The following ZNF277 variants were observed in gnomAD, a reference collection of about 807,000 sequenced individuals.
ZNF277 encodes nuclear receptor-interacting factor 4.
A neutral mutation model predicts 60.7 loss-of-function variants in ZNF277; 55 were observed. The ratio of observed to expected loss-of-function variants is 0.91; its 90% confidence interval spans 0.73 to 1.13. The LOEUF (loss-of-function observed/expected upper bound fraction) is 1.13. Ranked by LOEUF, ZNF277 falls within the 50% of genes most tolerant of loss-of-function variation. The pLI, the probability that ZNF277 is intolerant of heterozygous loss-of-function variation, is 0.00. For missense variants in ZNF277, 510 were observed against 523.0 expected, an observed-to-expected ratio of 0.98 and a Z score of 0.24; for synonymous variants, 178 against 179.3, an observed-to-expected ratio of 0.99 and a Z score of 0.06.
chr7:112,243,526 T>C (rs996774699), intron 1 of ZNF277, among the ~76,000 whole-genome samples: 7 of 137,276 alleles, frequency 5.1e-5, no homozygotes, highest in African/African-American at 1.9e-4. Flanking sequence ...ACAAAGGACA[T>C]AGACATTTTT....
At chr7:112,239,072 T>C (rs1232560779) in intron 1 of ZNF277, among the ~76,000 whole-genome samples, 1 of 152,086 alleles carries the variant, frequency 6.6e-6, no homozygotes, top group Non-Finnish European at 1.5e-5. Context: ...CCAATGAACC[T>C]TGGATGAGAC....
chr7:112,338,062 T>G (rs1399760100), intron 9 of ZNF277, among the ~76,000 whole-genome samples: 2 of 152,200 alleles, frequency 1.3e-5, no homozygotes, highest in Non-Finnish European at 2.9e-5. Context: ...CCATCTCACC[T>G]TTGAGATGCT....
chr7:112,226,885 C>G (rs986506963), intron 1 of ZNF277, among the ~76,000 whole-genome samples: 1 of 151,952 alleles, frequency 6.6e-6, no homozygotes, highest in African/African-American at 2.4e-5. Flanking sequence ...TTTTAGACAG[C>G]TTCAAAATGA....
chr7:112,310,749 T>G (rs1475568004), intron 4 of ZNF277, among the ~76,000 whole-genome samples: 1 of 152,030 alleles, frequency 6.6e-6, no homozygotes, highest in Non-Finnish European at 1.5e-5. Flanking sequence ...AGGAGATTTG[T>G]TGTGTTCTAT....
chr7:112,230,344 A>G (rs1304038279), intron 1 of ZNF277, among the ~76,000 whole-genome samples: 1 of 152,194 alleles, frequency 6.6e-6, no homozygotes, highest in Non-Finnish European at 1.5e-5. Context: ...TTAATTGGAC[A>G]TGTTCCTTAT....
At chr7:112,306,742 A>G (rs769813511) in intron 4 of ZNF277, among the ~76,000 whole-genome samples, 7 of 151,782 alleles carry the variant, frequency 4.6e-5, no homozygotes, top group Non-Finnish European at 8.8e-5. Context: ...AAAGGCCTCC[A>G]TTTTCATAAA....
intron 1 of ZNF277, among the ~76,000 whole-genome samples, chr7:112,238,288 G>T (rs1442396505): frequency 6.6e-6 from 1 of 152,198 alleles, no homozygotes; most frequent in Non-Finnish European, 1.5e-5. Flanking sequence ...TTGGAGCTCT[G>T]TGCTGCCCTG....
chr7:112,321,343 T>C (rs1385583101), intron 5 of ZNF277, among the ~76,000 whole-genome samples: 2 of 152,116 alleles, frequency 1.3e-5, no homozygotes, highest in African/African-American at 4.8e-5. Context: ...TTCAATAATA[T>C]GCAAAAACTT....
intron 1 of ZNF277, among the ~76,000 whole-genome samples, chr7:112,234,782 A>G (rs1350476792): frequency 1.4e-4 from 21 of 151,960 alleles, no homozygotes; most frequent in South Asian, 1.2e-3. Flanking sequence ...TTTATTTTAC[A>G]TAGTATATAT....
At chr7:112,206,902 A>G in intron 1 of ZNF277, 95 bp downstream of exon 1, 1 of 1,255,010 alleles carries the variant, frequency 8.0e-7, no homozygotes. Context: ...GGAGCCCTTC[A>G]GCTCTGGGGC....
At chr7:112,339,529 G>T (rs1362889481) in intron 9 of ZNF277, among the ~76,000 whole-genome samples, 2 of 152,212 alleles carry the variant, frequency 1.3e-5, no homozygotes, top group African/African-American at 4.8e-5. Context: ...ATGTTGGCCA[G>T]GCTGGTCTCA....
At chr7:112,338,958 G>C (rs1793386798) in intron 9 of ZNF277, among the ~76,000 whole-genome samples, 2 of 152,134 alleles carry the variant, frequency 1.3e-5, no homozygotes, top group South Asian at 4.1e-4. Context: ...TGAGATTGTA[G>C]GTTAAAACAT....
intron 1 of ZNF277, among the ~76,000 whole-genome samples, chr7:112,277,613 A>G (rs1280673492): frequency 6.6e-6 from 1 of 152,194 alleles, no homozygotes; most frequent in African/African-American, 2.4e-5. Flanking sequence ...TTAAAATTCA[A>G]TTTCCAAGTC....
chr7:112,218,870 A>T (rs1319770919), intron 1 of ZNF277, among the ~76,000 whole-genome samples: 2 of 152,076 alleles, frequency 1.3e-5, no homozygotes, highest in East Asian at 1.9e-4. Context: ...TCATCCATTG[A>T]TGGACACTTA....
At chr7:112,220,299 T>G (rs1036758571) in intron 1 of ZNF277, among the ~76,000 whole-genome samples, 6 of 152,090 alleles carry the variant, frequency 3.9e-5, no homozygotes, top group African/African-American at 9.7e-5. Context: ...TTTTTTTTTT[T>G]GGCAAGATTG....
chr7:112,222,541 A>G (rs951032310), intron 1 of ZNF277, among the ~76,000 whole-genome samples: 7 of 152,140 alleles, frequency 4.6e-5, no homozygotes, highest in Admixed American at 3.9e-4. Context: ...TCCTTCATTT[A>G]TGATTTAATG....
chr7:112,317,295 T>A (rs1038093568), intron 4 of ZNF277, among the ~76,000 whole-genome samples: 4 of 151,986 alleles, frequency 2.6e-5, no homozygotes, highest in Non-Finnish European at 5.9e-5. Context: ...ATCCCAGAAC[T>A]TAAAGTGTAA....
intron 1 of ZNF277, among the ~76,000 whole-genome samples, chr7:112,238,796 A>C (rs1054431083): frequency 7.3e-6 from 1 of 136,898 alleles, no homozygotes. Context: ...TTTTTTACTT[A>C]ATTTTTTTTT....
chr7:112,271,263 A>G (rs952931028), intron 1 of ZNF277, among the ~76,000 whole-genome samples: 5 of 152,176 alleles, frequency 3.3e-5, no homozygotes, highest in Admixed American at 3.3e-4. Flanking sequence ...AAAACAGGAA[A>G]TTTAATACCG....
Sources: allele counts gnomAD v4.1 joint callset (sites outside exome capture counted in the v4.1 genomes callset), GRCh38; gene constraint gnomAD v4.1.1; transcripts MANE v1.5; gene names NCBI Gene and HGNC (gene_info 2026-07-23, HGNC 2026-07-21).